The following FBXL13 variants were observed in gnomAD, a reference collection of about 807,000 sequenced individuals.
FBXL13 encodes the protein F-box and leucine rich repeat protein 13.
FBXL13 carries 67 observed loss-of-function variants against 83.6 expected under a neutral mutation model. The observed-to-expected ratio is 0.80, with a 90% CI of 0.66 to 0.98. The LOEUF is 0.98. FBXL13 is among the 50% of genes least tolerant of loss of function. FBXL13 has a pLI of 0.00. For missense variants in FBXL13, 822 were observed against 866.5 expected, an observed-to-expected ratio of 0.95 and a Z score of 0.64; for synonymous variants, 272 against 299.5, an observed-to-expected ratio of 0.91 and a Z score of 0.95.
intron 3 of FBXL13, 93 bp downstream of exon 4, chr7:103,029,258 A>G (rs1016664337): frequency 1.1e-4 from 72 of 679,814 alleles, no homozygotes; most frequent in Non-Finnish European, 1.7e-4. Flanking sequence ...AGATAAAATC[A>G]GCACAACTGG....
At chr7:103,005,389 G>A (rs1489147991) in intron 6 of FBXL13, among the ~76,000 whole-genome samples, 1 of 152,108 alleles carries the variant, frequency 6.6e-6, no homozygotes, top group Non-Finnish European at 1.5e-5. Context: ...CAGTGAACAA[G>A]GACGGAAAGT....
At chr7:103,047,941 C>T (rs1796439646) in intron 2 of FBXL13, among the ~76,000 whole-genome samples, 3 of 152,204 alleles carry the variant, frequency 2.0e-5, no homozygotes, top group African/African-American at 7.2e-5. Flanking sequence ...GGTGATCTGC[C>T]TTCCTCGGTC....
intron 11 of FBXL13, among the ~76,000 whole-genome samples, chr7:102,901,780 C>T (rs1457168842): frequency 6.6e-6 from 1 of 152,162 alleles, no homozygotes; most frequent in Non-Finnish European, 1.5e-5. Context: ...TTTTTTATGG[C>T]TGAATAGTAC....
downstream of FBXL13, among the ~76,000 whole-genome samples, chr7:102,812,340 C>A (rs1046509044): frequency 6.6e-6 from 1 of 152,150 alleles, no homozygotes; most frequent in Non-Finnish European, 1.5e-5. Context: ...GAGGGAGCAT[C>A]TTTTTTGGCA....
In FBXL13 at chr7:103,029,394, C is replaced by CT; in HGVS notation, c.24dup (p.Ala9SerfsTer3). The CT allele has an allele frequency of 1.3e-6, 2 of 1,531,114 alleles. No homozygotes were observed. The highest frequency in any genetic ancestry group is 1.8e-6 in the Non-Finnish European group (2 of 1,137,768). 94.8% of individuals were successfully genotyped at this position (1,531,114 alleles called of 1,614,324 possible). On this transcript the variant is annotated frameshift_variant, in exon 3 of 20. Coordinates refer to ENST00000313221, the Ensembl canonical transcript of FBXL13. LOFTEE classifies it high-confidence loss of function. ...AAATGTCCAGTATAAAAGCTACAGG[C>CT]TTTTATCATCAATTCCGGAGTCATC...
intron 18 of FBXL13, among the ~76,000 whole-genome samples, chr7:102,831,466 A>T (rs1006283099): frequency 1.3e-5 from 2 of 151,712 alleles, no homozygotes; most frequent in Non-Finnish European, 2.9e-5. Flanking sequence ...CCAAAATATG[A>T]ATAGTGTCAG....
chr7:103,071,319 G>T (rs1347274173), intron 1 of FBXL13, among the ~76,000 whole-genome samples: 1 of 152,122 alleles, frequency 6.6e-6, no homozygotes, highest in Non-Finnish European at 1.5e-5. Context: ...TAAAACGGAT[G>T]AAAAATATCT....
chr7:102,973,625 C>G (rs895102757), intron 6 of FBXL13: 4 of 766,044 alleles, frequency 5.2e-6, no homozygotes, highest in African/African-American at 5.1e-5. Context: ...CATCTGGTGC[C>G]GAAACCCGGG....
exon 18 of FBXL13, chr7:102,832,868 G>A: frequency 6.2e-7 from 1 of 1,614,214 alleles, no homozygotes; most frequent in African/African-American, 1.3e-5. Flanking sequence ...GCTGAGAGAT[G>A]TGAGGTTAAT....
At chr7:102,959,192 T>G (rs1285644495) in intron 8 of FBXL13, among the ~76,000 whole-genome samples, 2 of 152,112 alleles carry the variant, frequency 1.3e-5, no homozygotes, top group African/African-American at 4.8e-5. Flanking sequence ...AATAACATCA[T>G]ATAAAAAACT....
chr7:102,972,119 G>A (rs1826762266), intron 6 of FBXL13, among the ~76,000 whole-genome samples: 1 of 151,912 alleles, frequency 6.6e-6, no homozygotes, highest in Non-Finnish European at 1.5e-5. Flanking sequence ...AAAGAACACT[G>A]AAATCAGAAG....
At chr7:103,015,876 AG>A (rs1190829145) in intron 6 of FBXL13, among the ~76,000 whole-genome samples, 2 of 152,130 alleles carry the variant, frequency 1.3e-5, no homozygotes, top group African/African-American at 4.8e-5. Context: ...AGCCAAATTA[AG>A]AATTCAATTT....
At chr7:102,972,550 T>C (rs1030089157) in intron 6 of FBXL13, among the ~76,000 whole-genome samples, 2 of 152,108 alleles carry the variant, frequency 1.3e-5, no homozygotes, top group Non-Finnish European at 2.9e-5. Context: ...CAATAAATAG[T>C]ACACTACTTG....
intron 6 of FBXL13, among the ~76,000 whole-genome samples, chr7:103,017,244 A>G (rs1196218507): frequency 2.0e-5 from 3 of 151,770 alleles, no homozygotes; most frequent in African/African-American, 2.4e-5. Flanking sequence ...GCAAACTCCA[A>G]CAGACCTGCA....
intron 18 of FBXL13, among the ~76,000 whole-genome samples, chr7:102,823,815 G>A (rs1480817740): frequency 6.6e-6 from 1 of 152,212 alleles, no homozygotes; most frequent in Non-Finnish European, 1.5e-5. Context: ...AAAAAGAGAC[G>A]TTGCCATTGT....
intron 1 of FBXL13, among the ~76,000 whole-genome samples, chr7:103,069,489 T>A (rs1036897845): frequency 6.6e-6 from 1 of 152,184 alleles, no homozygotes; most frequent in African/African-American, 2.4e-5. Flanking sequence ...CTTAAATACC[T>A]CCGAAGAGCA....
At chr7:102,971,237 G>A (rs143390312) in intron 6 of FBXL13, among the ~76,000 whole-genome samples, 94 of 152,288 alleles carry the variant, frequency 6.2e-4, no homozygotes, top group African/African-American at 2.1e-3. Flanking sequence ...AACATAAGGT[G>A]GAAGTCAGCA....
chr7:103,016,864 A>G (rs984854089), intron 6 of FBXL13, among the ~76,000 whole-genome samples: 4 of 152,210 alleles, frequency 2.6e-5, no homozygotes, highest in African/African-American at 4.8e-5. Context: ...CAGCTCCAGG[A>G]GGCCTACCTG....
chr7:102,913,002 T>A (rs1227796327), intron 11 of FBXL13, 84 bp downstream of exon 12: 9 of 1,570,474 alleles, frequency 5.7e-6, no homozygotes, highest in Non-Finnish European at 6.1e-6. Context: ...TGCACAGCAT[T>A]AGTATAACGT....
Sources: gnomAD v4.1 joint callset for allele counts (sites outside exome capture counted in the v4.1 genomes callset) on GRCh38, gnomAD v4.1.1 for gene constraint, MANE v1.5 for transcripts, NCBI Gene and HGNC (gene_info 2026-07-23, HGNC 2026-07-21) for gene names.